The following TICAM2 variants were observed in gnomAD, a reference collection of about 807,000 sequenced individuals.
TICAM2 encodes the protein TIR domain-containing adapter molecule 2.
In TICAM2, 8 loss-of-function variants were observed where a neutral mutation model predicts 7.3. The observed-to-expected ratio is 1.10, with a 90% confidence interval of 0.65 to 1.99. The LOEUF is 1.99. Ranked by LOEUF, TICAM2 falls within the 30% of genes most tolerant of loss-of-function variation. The probability of loss-of-function intolerance (pLI) is 0.00; values close to 1 mark genes in which losing one functional copy is unlikely to be tolerated. For synonymous variants in TICAM2, 113 were observed against 99.6 expected (o/e 1.13, Z -0.80); for missense variants, 304 against 278.8 (o/e 1.09, Z -0.65).
At chr5:115,592,858 T>A (rs1350554996) in intron 1 of TICAM2, among the ~76,000 whole-genome samples, 1 of 152,250 alleles carries the variant, frequency 6.6e-6, no homozygotes, top group East Asian at 1.9e-4. Context: ...AATTGATTGA[T>A]GTGGCTGGGT....
intron 1 of TICAM2, among the ~76,000 whole-genome samples, chr5:115,587,921 T>A (rs964865539): frequency 6.6e-6 from 1 of 152,210 alleles, no homozygotes; most frequent in African/African-American, 2.4e-5. Flanking sequence ...GAAGAGCATA[T>A]GCAGGGTGAG....
At chr5:115,585,745 A>G (rs895507719) in intron 1 of TICAM2, among the ~76,000 whole-genome samples, 3 of 152,202 alleles carry the variant, frequency 2.0e-5, no homozygotes, top group African/African-American at 7.2e-5. Context: ...GCGAGAGCAG[A>G]AGCCAGGGGA....
chr5:115,591,572 TA>T (rs1383123575), intron 1 of TICAM2, among the ~76,000 whole-genome samples: 2 of 151,710 alleles, frequency 1.3e-5, no homozygotes, highest in Non-Finnish European at 2.9e-5. Context: ...CTGCAAACTT[TA>T]AAAAAAGGCA....
At position 115,581,143 on chromosome 5, in the gene TICAM2, T is replaced by C; in HGVS notation, c.114A>G (p.Glu38=). The stretch of plus-strand genomic sequence containing the variant: ...CAGCAACATTACACAAGGATAGATC[T>C]TCAGACTTCTTGGAATCTGACTCAT... ...GYHESDSKKS[E]DLSLCNVAEH... Residue 38 remains glutamate, a synonymous_variant, in exon 2 of 2, where the codon GAA becomes GAG. Coordinates refer to ENST00000427199, the MANE Select transcript of TICAM2 (RefSeq NM_021649.7). The C allele has an allele frequency of 6.2e-7, 1 of 1,614,064 alleles. No individual in the cohort carries two copies. Among genetic ancestry groups the C allele is most frequent in the Non-Finnish European group, 8.5e-7 (1 of 1,180,018 alleles).
intron 1 of TICAM2, among the ~76,000 whole-genome samples, chr5:115,597,506 T>C (rs1458970248): frequency 1.3e-5 from 2 of 152,168 alleles, no homozygotes; most frequent in African/African-American, 4.8e-5. Flanking sequence ...AAAATGTTTA[T>C]GAATGTTATG....
rs78528827 is a variant in TICAM2, at chr5:115,595,059, T to C, written c.-60+7038A>G. Among the ~76,000 whole-genome samples, 1,516 of 152,260 alleles carry C rather than the reference T, an allele frequency of 1.0e-2. 28 individuals are homozygous for C. Among genetic ancestry groups the C allele is most frequent in the African/African-American group, 0.035 (1,451 of 41,530 alleles). On this transcript the variant is annotated intron_variant, in intron 1 of 1. Transcript: ENST00000427199. ...ATAGAGGCTGGGCCACAAGAACTAA[T>C]ATGAGTGATAGATATCAAACTGGGC...
chr5:115,598,171 A>G (rs1184045540), intron 1 of TICAM2, among the ~76,000 whole-genome samples: 3 of 152,152 alleles, frequency 2.0e-5, no homozygotes, highest in Non-Finnish European at 4.4e-5. Flanking sequence ...ATTGTCAACA[A>G]TTATGTCAAT....
intron 1 of TICAM2, among the ~76,000 whole-genome samples, chr5:115,586,609 C>T (rs971201937): frequency 1.3e-5 from 2 of 152,030 alleles, no homozygotes; most frequent in Non-Finnish European, 2.9e-5. Context: ...AGTAGGGTGA[C>T]CGATGAATGT....
At chr5:115,586,418 G>A (rs1206377163) in intron 1 of TICAM2, among the ~76,000 whole-genome samples, 30 of 133,384 alleles carry the variant, frequency 2.2e-4, no homozygotes, top group African/African-American at 4.9e-4. Flanking sequence ...TAGAGTGTTG[G>A]AAAAAAAAAA....
Position 115,580,336 on chromosome 5 carries a change from T to C in TICAM2, c.*213A>G. The C allele has an allele frequency of 1.7e-6, 1 of 588,544 alleles. No individual in the cohort carries two copies. The allele number at this position is 588,544 out of a possible 1,614,324, so 36.5% of individuals were successfully genotyped here. A position where few individuals can be genotyped will look rare whatever the true frequency, so the allele number is the denominator to read the frequency against. On this transcript the variant is annotated 3_prime_UTR_variant, in exon 2 of 2. Transcript: ENST00000427199. ...AGGAAAATTGTGAAAGAAAAGTCCT[T>C]GAAACTCTGACAATGTCAAGTTTAC... is the stretch of plus-strand genomic sequence containing the variant.
chr5:115,588,951 T>C (rs1755208573), intron 1 of TICAM2, among the ~76,000 whole-genome samples: 1 of 152,146 alleles, frequency 6.6e-6, no homozygotes, highest in South Asian at 2.1e-4. Context: ...GTTCTTCAAC[T>C]TTCCCAACGA....
intron 1 of TICAM2, among the ~76,000 whole-genome samples, chr5:115,593,077 AG>A (rs1203867445): frequency 6.6e-6 from 1 of 152,236 alleles, no homozygotes; most frequent in African/African-American, 2.4e-5. Context: ...CAGGAGGCGG[AG>A]GTTGCAGTGA....
intron 1 of TICAM2, among the ~76,000 whole-genome samples, chr5:115,584,830 G>T (rs1374638695): frequency 1.3e-5 from 2 of 152,032 alleles, no homozygotes; most frequent in Non-Finnish European, 2.9e-5. Context: ...AAGAAGGAAG[G>T]AGAGTCCAGA....
intron 1 of TICAM2, among the ~76,000 whole-genome samples, chr5:115,595,061 T>G (rs1357968531): frequency 6.6e-6 from 1 of 152,188 alleles, no homozygotes; most frequent in East Asian, 1.9e-4. Context: ...AGAACTAATA[T>G]GAGTGATAGA....
In TICAM2 at chr5:115,588,406, T is replaced by C. The variant is rs28757849; in HGVS notation, c.-59-7091A>G. Among the ~76,000 whole-genome samples the C allele has an allele frequency of 1.6e-3, 249 of 152,314 alleles. 1 individual carries two copies. Among genetic ancestry groups the C allele is most frequent in the African/African-American group, 5.8e-3 (239 of 41,556 alleles). On this transcript the variant is annotated intron_variant, in intron 1 of 1. Coordinates refer to ENST00000427199, the MANE Select transcript of TICAM2 (RefSeq NM_021649.7). ...TAAAGTGACCTATGGGACTTCACGTTGTACCTTTTAGAGAGAAGGTGAGTC... is the reference window on the plus strand; with the variant it reads ...TAAAGTGACCTATGGGACTTCACGTCGTACCTTTTAGAGAGAAGGTGAGTC...
intron 1 of TICAM2, among the ~76,000 whole-genome samples, chr5:115,596,398 C>T (rs959465456): frequency 1.3e-5 from 2 of 152,154 alleles, no homozygotes; most frequent in Non-Finnish European, 2.9e-5. Flanking sequence ...ACAAATAATA[C>T]CCTGCATAGC....
At position 115,581,023 on chromosome 5, in the gene TICAM2, G is replaced by C; in HGVS notation, c.234C>G (p.Phe78Leu). Residue 78 changes from phenylalanine (F) to leucine (L), a missense_variant, in exon 2 of 2, where the codon TTC becomes TTG. Transcript: ENST00000427199. ...MFEEEAEEEV[F>L]LKFVILHAED... Reference sequence around the variant, plus strand: ...CTGCATGCAATATCACAAATTTGAGGAACACCTCTTCTTCAGCTTCTTCTT... The same window carrying C: ...CTGCATGCAATATCACAAATTTGAGCAACACCTCTTCTTCAGCTTCTTCTT... 1 of 1,614,116 alleles carries C rather than the reference G, an allele frequency of 6.2e-7. No individual in the cohort carries two copies. The highest frequency in any genetic ancestry group is 8.5e-7 in the Non-Finnish European group (1 of 1,180,026).
In TICAM2 at chr5:115,580,469, T is replaced by C; in HGVS notation, c.*80A>G. ...GAAGACTCTCTTTTATTTAAACATT[T>C]CCTAGAAACTGCTTTCTCAAGTGAA... On this transcript the variant is annotated 3_prime_UTR_variant, in exon 2 of 2. Coordinates refer to ENST00000427199, the MANE Select transcript of TICAM2 (RefSeq NM_021649.7). 3 of 1,429,060 alleles carry C rather than the reference T, an allele frequency of 2.1e-6. No individual in the cohort carries two copies. The highest frequency in any genetic ancestry group is 1.6e-5 in the South Asian group (1 of 63,982). The allele number at this position is 1,429,060 out of a possible 1,614,324, so 88.5% of individuals were successfully genotyped here.
chr5:115,581,656 C>T (rs564766649), intron 1 of TICAM2: 24 of 200,044 alleles, frequency 1.2e-4, no homozygotes, highest in African/African-American at 5.1e-4. Flanking sequence ...TCTTTTCATG[C>T]AGTTTAAATC....
Sources: allele counts gnomAD v4.1 joint callset (sites outside exome capture counted in the v4.1 genomes callset), GRCh38; gene constraint gnomAD v4.1.1; transcripts MANE v1.5; gene names NCBI Gene and HGNC (gene_info 2026-07-23, HGNC 2026-07-21).